The following SEC22A variants were observed in gnomAD, a reference collection of about 807,000 sequenced individuals.
The protein encoded by SEC22A is vesicle-trafficking protein SEC22a.
SEC22A carries 22 observed loss-of-function variants against 35.3 expected under a neutral mutation model. The observed-to-expected ratio is 0.62, with a 90% CI of 0.45 to 0.89. The LOEUF is 0.89. Among genes scored for constraint, SEC22A ranks in the 40% least tolerant of loss-of-function variants. The pLI, the probability that SEC22A is intolerant of heterozygous loss-of-function variation, is 0.00. For synonymous variants in SEC22A, 119 were observed against 129.5 expected, an observed-to-expected ratio of 0.92 and a Z score of 0.55; for missense variants, 354 against 362.5, an observed-to-expected ratio of 0.98 and a Z score of 0.19.
chr3:123,218,968 T>C (rs1488106057), intron 2 of SEC22A, among the ~76,000 whole-genome samples: 3 of 152,200 alleles, frequency 2.0e-5, no homozygotes, highest in Non-Finnish European at 2.9e-5. Flanking sequence ...TATATTAATA[T>C]ACAATTACAA....
intron 5 of SEC22A, among the ~76,000 whole-genome samples, chr3:123,248,444 G>T (rs961843629): frequency 6.0e-4 from 92 of 152,114 alleles, no homozygotes; most frequent in African/African-American, 2.1e-3. Flanking sequence ...TACCTACAAA[G>T]AATTAAAATT....
In SEC22A at chr3:123,272,684, A is replaced by G. The variant is rs955621588; in HGVS notation, c.*962A>G. The G allele has an allele frequency of 1.3e-5, 2 of 153,648 alleles. No homozygotes were observed. Among genetic ancestry groups the G allele is most frequent in the African/African-American group, 2.4e-5 (1 of 41,458 alleles). 9.5% of individuals were successfully genotyped at this position (153,648 alleles called of 1,614,324 possible). Reference sequence around the variant, plus strand: ...TTGTGGCAGTGAGGGAGATGTTACCAGCACCAGCATGAGGCACTGTCTCTG... The same window carrying G: ...TTGTGGCAGTGAGGGAGATGTTACCGGCACCAGCATGAGGCACTGTCTCTG... On this transcript the variant is annotated 3_prime_UTR_variant, in exon 7 of 7. Transcript: ENST00000492595.
intron 4 of SEC22A, among the ~76,000 whole-genome samples, chr3:123,235,004 C>T (rs1483766768): frequency 1.4e-5 from 2 of 146,742 alleles, no homozygotes; most frequent in African/African-American, 5.1e-5. Flanking sequence ...GCCTGGGCAA[C>T]AGCCAGACCT....
intron 1 of SEC22A, among the ~76,000 whole-genome samples, chr3:123,206,746 T>A (rs1936860927): frequency 6.6e-6 from 1 of 152,188 alleles, no homozygotes; most frequent in African/African-American, 2.4e-5. Context: ...GTTTGAAGAC[T>A]CCACTGTAGT....
intron 4 of SEC22A, among the ~76,000 whole-genome samples, chr3:123,242,018 T>C (rs1000362726): frequency 6.6e-6 from 1 of 152,208 alleles, no homozygotes. Flanking sequence ...CTTTTTACTT[T>C]AAGGTCAGAT....
chr3:123,269,215 G>GTGTGTGTGTGTGTATA (rs10642998), intron 6 of SEC22A, among the ~76,000 whole-genome samples: 2,097 of 136,780 alleles, frequency 0.015, 24 homozygotes, highest in Non-Finnish European at 0.022. Flanking sequence ...GTGTGTGTGT[G>GTGTGTGTGTGTGTATA]TATATATTAC....
In SEC22A at chr3:123,271,543, A is replaced by G. The variant is rs554692288; in HGVS notation, c.745A>G (p.Thr249Ala). 6.2e-7 allele frequency: 1 copy of G among 1,613,680 alleles called. No individual in the cohort carries two copies. The highest frequency in any genetic ancestry group is 1.3e-5 in the African/African-American group (1 of 75,030). The change falls in exon 7 of 7, where the codon ACC becomes GCC. Residue 249 changes from threonine to alanine, a missense_variant. Transcript: ENST00000492595. The part of the protein sequence containing the change: ...LYQCYLLVYY[T>A]GWRNVKSFLT... ...ACAGTGTTATTTACTTGTCTACTAC[A>G]CCGGCTGGCGGAATGTCAAATCTTT...
At chr3:123,257,186 G>A (rs7616766) in intron 5 of SEC22A, among the ~76,000 whole-genome samples, 29,883 of 152,142 alleles carry the variant, frequency 0.2, 3,045 homozygotes, top group Middle Eastern at 0.27. Flanking sequence ...GATTTTTTAA[G>A]TGACACAGAC....
At chr3:123,262,964 G>C (rs998912609) in intron 6 of SEC22A, among the ~76,000 whole-genome samples, 8 of 152,124 alleles carry the variant, frequency 5.3e-5, no homozygotes, top group Admixed American at 5.2e-4. Flanking sequence ...ATATAAAACG[G>C]TATCACAACC....
chr3:123,205,604 C>T (rs1936839216), intron 1 of SEC22A, among the ~76,000 whole-genome samples: 1 of 152,124 alleles, frequency 6.6e-6, no homozygotes, highest in Non-Finnish European at 1.5e-5. Context: ...AGGGGAATCG[C>T]TTGAACCTGG....
chr3:123,267,920 G>C (rs747763535), intron 6 of SEC22A, among the ~76,000 whole-genome samples: 24 of 152,162 alleles, frequency 1.6e-4, no homozygotes, highest in Non-Finnish European at 2.6e-4. Context: ...TTTCTGATGA[G>C]AATCCCACTG....
chr3:123,238,368 T>C (rs1937455659), intron 4 of SEC22A, among the ~76,000 whole-genome samples: 1 of 151,986 alleles, frequency 6.6e-6, no homozygotes, highest in Non-Finnish European at 1.5e-5. Flanking sequence ...TGGCTAATTT[T>C]TGTATTTTTA....
chr3:123,236,902 A>G (rs1481451823), intron 4 of SEC22A, among the ~76,000 whole-genome samples: 2 of 152,246 alleles, frequency 1.3e-5, no homozygotes, highest in Non-Finnish European at 2.9e-5. Flanking sequence ...AAAGGATGAA[A>G]GAAAATAACT....
intron 2 of SEC22A, among the ~76,000 whole-genome samples, chr3:123,213,016 A>G (rs1936964376): frequency 1.3e-5 from 2 of 152,158 alleles, no homozygotes; most frequent in South Asian, 4.1e-4. Flanking sequence ...TAATTATGAG[A>G]GTTTAGGAGT....
intron 6 of SEC22A, among the ~76,000 whole-genome samples, chr3:123,268,634 G>A (rs1308282083): frequency 6.6e-6 from 1 of 152,130 alleles, no homozygotes; most frequent in Non-Finnish European, 1.5e-5. Context: ...ACTTCATGAT[G>A]TATCTTCTAA....
chr3:123,271,522 T>G lies in SEC22A; in HGVS notation c.724T>G (p.Cys242Gly), dbSNP rs1312565392. The G allele has an allele frequency of 1.2e-6, 2 of 1,610,832 alleles. No homozygotes were observed. The highest frequency in any genetic ancestry group is 4.5e-5 in the East Asian group (2 of 44,880). ...FLGTAACLYQ[C>G]YLLVYYTGWR... ...TCTTTCATTTTTATATTTTGAACAG[T>G]GTTATTTACTTGTCTACTACACCGG... Residue 242 changes from cysteine (C) to glycine (G), a missense_variant and splice_region_variant, in exon 7 of 7, where the codon TGT becomes GGT. Coordinates refer to ENST00000492595, the MANE Select transcript of SEC22A (RefSeq NM_012430.5).
chr3:123,244,209 T>G (rs1171960314), intron 4 of SEC22A, among the ~76,000 whole-genome samples: 1 of 152,190 alleles, frequency 6.6e-6, no homozygotes, highest in African/African-American at 2.4e-5. Flanking sequence ...AAGTGTCACC[T>G]TCTTATGTTG....
chr3:123,255,212 A>G (rs896745051), intron 5 of SEC22A, among the ~76,000 whole-genome samples: 1 of 152,220 alleles, frequency 6.6e-6, no homozygotes, highest in African/African-American at 2.4e-5. Flanking sequence ...TAATGTATTT[A>G]CATTTTTCTT....
chr3:123,264,355 G>T (rs1029738096), intron 6 of SEC22A, among the ~76,000 whole-genome samples: 1 of 152,202 alleles, frequency 6.6e-6, no homozygotes, highest in African/African-American at 2.4e-5. Flanking sequence ...GCCAGATCAT[G>T]TGGTAGTTTT....
Sources: gnomAD v4.1 joint callset for allele counts (sites outside exome capture counted in the v4.1 genomes callset) on GRCh38, gnomAD v4.1.1 for gene constraint, MANE v1.5 for transcripts, NCBI Gene and HGNC (gene_info 2026-07-23, HGNC 2026-07-21) for gene names.